AMMECR1L: variants seen among roughly 807,000 people sequenced by gnomAD.
AMMECR1L encodes the protein AMMECR1-like protein.
In AMMECR1L, 4 loss-of-function variants were observed where a neutral mutation model predicts 36.8. The ratio of observed to expected loss-of-function variants is 0.11; its 90% CI spans 0.05 to 0.25. The LOEUF is 0.25. Among genes scored for constraint, AMMECR1L ranks in the 10% least tolerant of loss-of-function variants. The probability of loss-of-function intolerance (pLI) is 1.00; values close to 1 mark genes in which losing one functional copy is unlikely to be tolerated. For missense variants in AMMECR1L, 232 were observed against 392.1 expected, an observed-to-expected ratio of 0.59 and a Z score of 3.45; for synonymous variants, 147 against 148.0, an observed-to-expected ratio of 0.99 and a Z score of 0.05.
At position 127,873,361 on chromosome 2, in the gene AMMECR1L, C is replaced by T; in HGVS notation, c.407+467G>A. ...GATGTGAGTGGCCCTACAGGTTTAC[C>T]AAGGGATTTCTCATGAACAAAGTGA... On this transcript the variant is annotated intron_variant, in intron 3 of 7. Transcript: ENST00000272647. The surrounding 1 kb of genome is among the most constrained non-coding windows in gnomAD (Gnocchi z 5.2). The T allele has an allele frequency of 5.1e-6, 5 of 985,394 alleles. No individual in the cohort carries two copies. In the South Asian group the frequency reaches 2.3e-4, roughly 46 times the overall value. 61.0% of individuals were successfully genotyped at this position (985,394 alleles called of 1,614,324 possible). A position where few individuals can be genotyped will look rare whatever the true frequency, so the allele number is the denominator to read the frequency against.
In AMMECR1L at chr2:127,880,016, A is replaced by C. The variant is rs541628584; in HGVS notation, c.-39+4187T>G. 1.0e-3 allele frequency among the ~76,000 whole-genome samples: 153 copies of C among 152,340 alleles called. 1 individual carries two copies. The highest frequency in any genetic ancestry group is 3.2e-3 in the African/African-American group (133 of 41,574). On this transcript the variant is annotated intron_variant, in intron 2 of 7. Transcript: ENST00000272647. ...CTGTGAAGCTGGTTCATTTGAAATAAGAGAAGCCAGGCGCAGGAGCTCACG... is the reference window on the plus strand; with the variant it reads ...CTGTGAAGCTGGTTCATTTGAAATACGAGAAGCCAGGCGCAGGAGCTCACG...
chr2:127,866,046 T>A (rs185774328), intron 7 of AMMECR1L, among the ~76,000 whole-genome samples: 21 of 152,336 alleles, frequency 1.4e-4, no homozygotes, highest in African/African-American at 4.3e-4. Context: ...TGTTGTTTTT[T>A]AAAAATTTTT....
At chr2:127,875,544 A>T (rs1178586420) in intron 2 of AMMECR1L, among the ~76,000 whole-genome samples, 1 of 152,198 alleles carries the variant, frequency 6.6e-6, no homozygotes. Context: ...CAAATTAAAT[A>T]TTTACACACC....
At position 127,873,550 on chromosome 2, in the gene AMMECR1L, T is replaced by A; in HGVS notation, c.407+278A>T. 2 of 985,452 alleles carry A rather than the reference T, an allele frequency of 2.0e-6. No individual in the cohort carries two copies. The highest frequency in any genetic ancestry group is 2.4e-6 in the Non-Finnish European group (2 of 829,944). The allele number at this position is 985,452 out of a possible 1,614,324, so 61.0% of individuals were successfully genotyped here. On this transcript the variant is annotated intron_variant, in intron 3 of 7. Coordinates refer to ENST00000272647, the MANE Select transcript of AMMECR1L (RefSeq NM_001199140.2). The surrounding 1 kb of genome is among the most constrained non-coding windows in gnomAD (Gnocchi z 5.2). ...AGGTTAAATGCCATACCCACTGCCA[T>A]GTGAACCAACAGAAGAGCCAAGAAT...
rs1690488063 is a variant in AMMECR1L at position 127,861,983 on chromosome 2, C to A, written c.*3111G>T. ...CAATAAAATATATGTAATGTCTCAACTACAAACCTTTCATGTTGAAAGGGT... is the reference window on the plus strand; with the variant it reads ...CAATAAAATATATGTAATGTCTCAAATACAAACCTTTCATGTTGAAAGGGT... On this transcript the variant is annotated 3_prime_UTR_variant, in exon 8 of 8. Transcript: ENST00000272647. 1 of 152,594 alleles carries A rather than the reference C, an allele frequency of 6.6e-6. No homozygotes were observed. Among genetic ancestry groups the A allele is most frequent in the South Asian group, 2.1e-4 (1 of 4,826 alleles). 9.5% of individuals were successfully genotyped at this position (152,594 alleles called of 1,614,324 possible). A position where few individuals can be genotyped will look rare whatever the true frequency, so the allele number is the denominator to read the frequency against.
Position 127,873,388 on chromosome 2 carries a change from G to GGGAA in AMMECR1L, c.407+439_407+440insTTCC. ...AGGGATTTCTCATGAACAAAGTGAG[G>GGGAA]GGACCCCTGTTAACCAAATCGCAGA... is the stretch of plus-strand genomic sequence containing the variant. On this transcript the variant is annotated intron_variant, in intron 3 of 7. Transcript: ENST00000272647. The surrounding 1 kb of genome is among the most constrained non-coding windows in gnomAD (Gnocchi z 5.2). 3 of 985,404 alleles carry GGGAA rather than the reference G, an allele frequency of 3.0e-6. No individual in the cohort carries two copies. The highest frequency in any genetic ancestry group is 3.6e-6 in the Non-Finnish European group (3 of 829,920). 61.0% of individuals were successfully genotyped at this position (985,404 alleles called of 1,614,324 possible).
Position 127,874,236 on chromosome 2 carries a change from C to T in AMMECR1L, c.-2G>A. 1 of 1,613,954 alleles carries T rather than the reference C, an allele frequency of 6.2e-7. No individual in the cohort carries two copies. Among genetic ancestry groups the T allele is most frequent in the Non-Finnish European group, 8.5e-7 (1 of 1,179,980 alleles). On this transcript the variant is annotated 5_prime_UTR_variant, in exon 3 of 8. Coordinates refer to ENST00000272647, the MANE Select transcript of AMMECR1L (RefSeq NM_001199140.2). This position sits in a 1 kb window ranked among gnomAD's most constrained non-coding sequence, Gnocchi z 5.2. ...AGGAACACAACGTCTTTTTCCCATC[C>T]TGATTCAGTGCTCAAGGTCTGGAAT...
chr2:127,885,305 T>A (rs1691712455), intron 1 of AMMECR1L: 5 of 982,348 alleles, frequency 5.1e-6, no homozygotes, highest in Non-Finnish European at 6.0e-6. Flanking sequence ...AACGAGGGTA[T>A]GAGGAAAGAG....
At chr2:127,872,275 C>T (rs1280430719) in intron 3 of AMMECR1L, among the ~76,000 whole-genome samples, 2 of 151,608 alleles carry the variant, frequency 1.3e-5, no homozygotes, top group African/African-American at 2.4e-5. Context: ...TGGGCTCAAG[C>T]GATCCTCCCA....
rs530015721 is a variant in AMMECR1L, at chr2:127,862,606, A to G, written c.*2488T>C. On this transcript the variant is annotated 3_prime_UTR_variant, in exon 8 of 8. Coordinates refer to ENST00000272647, the MANE Select transcript of AMMECR1L (RefSeq NM_001199140.2). ...ACAATGCCCATTCCTCACGGGGCCA[A>G]ATGGTTTCCCTTGGTCGACTCCTGA... is the stretch of plus-strand genomic sequence containing the variant. 1 of 153,318 alleles carries G rather than the reference A, an allele frequency of 6.5e-6. No individual in the cohort carries two copies. The highest frequency in any genetic ancestry group is 2.1e-4 in the South Asian group (1 of 4,822). 9.5% of individuals were successfully genotyped at this position (153,318 alleles called of 1,614,324 possible). A position where few individuals can be genotyped will look rare whatever the true frequency, so the allele number is the denominator to read the frequency against.
At position 127,871,731 on chromosome 2, in the gene AMMECR1L, CG is replaced by C. The variant is rs1690977264; in HGVS notation, c.408-373del. On this transcript the variant is annotated intron_variant, in intron 3 of 7. Coordinates refer to ENST00000272647, the MANE Select transcript of AMMECR1L (RefSeq NM_001199140.2). This position sits in a 1 kb window ranked among gnomAD's most constrained non-coding sequence, Gnocchi z 4.3. The stretch of plus-strand genomic sequence containing the variant: ...ATTTATCCAGGTAGCCATGCTCCCC[CG>C]CTCCGTCTTTCATGATGACACGCCT... Among the ~76,000 whole-genome samples, 1 of 152,126 alleles carries C rather than the reference CG, an allele frequency of 6.6e-6. No individual in the cohort carries two copies. The highest frequency in any genetic ancestry group is 6.5e-5 in the Admixed American group (1 of 15,274).
intron 2 of AMMECR1L, among the ~76,000 whole-genome samples, chr2:127,877,005 G>T (rs1008664928): frequency 6.9e-6 from 1 of 144,316 alleles, no homozygotes; most frequent in African/African-American, 2.6e-5. Context: ...CAATAAGAGC[G>T]AAACTCTGTC....
intron 2 of AMMECR1L, among the ~76,000 whole-genome samples, chr2:127,875,773 TCC>T (rs1168826165): frequency 6.8e-6 from 1 of 147,918 alleles, no homozygotes; most frequent in Admixed American, 6.8e-5. Flanking sequence ...TTCCCTCTCC[TCC>T]CCTCTCCTCT....
rs1040798366 is a variant in AMMECR1L, at chr2:127,865,637, G to A, written c.822-432C>T. 2.6e-5 allele frequency among the ~76,000 whole-genome samples: 4 copies of A among 152,194 alleles called. No homozygotes were observed. The East Asian group carries it at 5.8e-4, about 22-fold the overall frequency. ...TGACAGAAATGCAACCTCAATTCGC[G>A]TAAGAGCAACAAACAAGTTATTATA... On this transcript the variant is annotated intron_variant, in intron 7 of 7. Transcript: ENST00000272647. This position sits in a 1 kb window ranked among gnomAD's most constrained non-coding sequence, Gnocchi z 5.4.
chr2:127,877,030 T>C (rs573437232), intron 2 of AMMECR1L, among the ~76,000 whole-genome samples: 1 of 74,018 alleles, frequency 1.4e-5, no homozygotes, highest in South Asian at 5.3e-4. Flanking sequence ...AATATATATA[T>C]ATATACATAT....
intron 2 of AMMECR1L, among the ~76,000 whole-genome samples, chr2:127,876,700 G>T (rs1025690686): frequency 3.9e-5 from 6 of 152,094 alleles, no homozygotes; most frequent in African/African-American, 1.4e-4. Context: ...GCTTCCTAGG[G>T]TTAGGTGAAT....
At chr2:127,885,538 C>T in intron 1 of AMMECR1L, 1 of 984,038 alleles carries the variant, frequency 1.0e-6, no homozygotes, top group Non-Finnish European at 1.2e-6. Context: ...GGGAGCCGAG[C>T]CTCGCGGCCC....
In AMMECR1L at chr2:127,869,190, A is replaced by G. The variant is rs550962547; in HGVS notation, c.724+264T>C. On this transcript the variant is annotated intron_variant, in intron 6 of 7. Coordinates refer to ENST00000272647, the MANE Select transcript of AMMECR1L (RefSeq NM_001199140.2). This position sits in a 1 kb window ranked among gnomAD's most constrained non-coding sequence, Gnocchi z 4.7. ...AATTGCCACTGTAGTTTAAGGGGCT[A>G]AGAAATAAAACTATTCATTGAAAAG... 5.3e-5 allele frequency among the ~76,000 whole-genome samples: 8 copies of G among 152,364 alleles called. No homozygotes were observed. In the South Asian group the frequency reaches 1.7e-3, roughly 32 times the overall value.
chr2:127,880,108 G>C (rs1465334634), intron 2 of AMMECR1L, among the ~76,000 whole-genome samples: 2 of 152,204 alleles, frequency 1.3e-5, no homozygotes, highest in Non-Finnish European at 2.9e-5. Flanking sequence ...TTTGAGACCT[G>C]CCTGGGCAAC....
Sources: gnomAD v4.1 joint callset for allele counts (sites outside exome capture counted in the v4.1 genomes callset) on GRCh38, gnomAD v4.1.1 for gene constraint, Gnocchi (gnomAD v3.1) non-coding constraint, MANE v1.5 for transcripts, NCBI Gene and HGNC (gene_info 2026-07-23, HGNC 2026-07-21) for gene names.